The following AUTS2 variants were observed in gnomAD, a reference collection of about 807,000 sequenced individuals.
AUTS2 encodes autism susceptibility gene 2 protein.
AUTS2 carries 17 observed loss-of-function variants against 112.4 expected under a neutral mutation model. The observed-to-expected ratio is 0.15, with a 90% CI of 0.10 to 0.23. The LOEUF (loss-of-function observed/expected upper bound fraction) is 0.23, where lower values mean the gene tolerates loss of function less well. AUTS2 is among the 10% of genes least tolerant of loss of function. The pLI is 1.00. For synonymous variants in AUTS2, 751 were observed against 702.7 expected (o/e 1.07, Z -1.09); for missense variants, 1,510 against 1,701.6 (o/e 0.89, Z 1.98).
chr7:70,283,432 T>C (rs1235315557), intron 4 of AUTS2, among the ~76,000 whole-genome samples: 1 of 152,174 alleles, frequency 6.6e-6, no homozygotes, highest in East Asian at 1.9e-4. Flanking sequence ...CAAACTGACA[T>C]GTCAAACTGA....
chr7:69,745,229 C>T (rs911009437), intron 1 of AUTS2, among the ~76,000 whole-genome samples: 3 of 152,156 alleles, frequency 2.0e-5, no homozygotes, highest in African/African-American at 4.8e-5. Flanking sequence ...CATCACCATC[C>T]CTGTTGCTAT....
At chr7:70,184,305 C>T (rs1809487040) in intron 4 of AUTS2, among the ~76,000 whole-genome samples, 1 of 152,076 alleles carries the variant, frequency 6.6e-6, no homozygotes, top group African/African-American at 2.4e-5. Context: ...GAGCAAATGC[C>T]ATTGTTGGGA....
chr7:70,150,547 T>A lies in AUTS2; in HGVS notation c.660+15976T>A, dbSNP rs145061616. Among the ~76,000 whole-genome samples, 238 of 152,292 alleles carry A rather than the reference T, an allele frequency of 1.6e-3. 1 individual carries two copies. The highest frequency in any genetic ancestry group is 4.9e-3 in the African/African-American group (203 of 41,572). ...AGACCATCAGAAAATACTAACAGAC[T>A]AGAACTTTTTTTTCTCAAGTGTTTT... On this transcript the variant is annotated intron_variant, in intron 4 of 18. Coordinates refer to ENST00000342771, the MANE Select transcript of AUTS2 (RefSeq NM_015570.4).
intron 5 of AUTS2, among the ~76,000 whole-genome samples, chr7:70,573,528 A>G (rs573716254): frequency 6.6e-6 from 1 of 152,298 alleles, no homozygotes; most frequent in East Asian, 1.9e-4. Flanking sequence ...CACACGCTTA[A>G]TTTATCCCTT....
At chr7:69,614,314 C>CTCTTTCCTTCTTTCTT (rs1793206016) in intron 1 of AUTS2, among the ~76,000 whole-genome samples, 1 of 83,320 alleles carries the variant, frequency 1.2e-5, no homozygotes. Flanking sequence ...CACTCTCCGT[C>CTCTTTCCTTCTTTCTT]TCTTTCTTTC....
At chr7:70,444,922 A>G (rs1415375242) in intron 5 of AUTS2, among the ~76,000 whole-genome samples, 1 of 152,138 alleles carries the variant, frequency 6.6e-6, no homozygotes, top group Non-Finnish European at 1.5e-5. Flanking sequence ...TGAAGTTCCT[A>G]ATTTCCTGGT....
At chr7:69,731,920 G>C (rs910598001) in intron 1 of AUTS2, among the ~76,000 whole-genome samples, 2 of 152,178 alleles carry the variant, frequency 1.3e-5, no homozygotes, top group Admixed American at 1.3e-4. Flanking sequence ...TGTAAAATGG[G>C]TAACAAGTTT....
chr7:70,043,541 T>TTGCC (rs1801338430), intron 2 of AUTS2, among the ~76,000 whole-genome samples: 1 of 141,122 alleles, frequency 7.1e-6, no homozygotes, highest in Non-Finnish European at 1.5e-5. Context: ...CCTTGCCTCC[T>TTGCC]TCCCTCCCTT....
At chr7:69,808,574 T>G (rs1452050183) in intron 1 of AUTS2, among the ~76,000 whole-genome samples, 1 of 152,216 alleles carries the variant, frequency 6.6e-6, no homozygotes, top group Non-Finnish European at 1.5e-5. Flanking sequence ...GGTAATATAG[T>G]ACACTCTGCT....
intron 1 of AUTS2, among the ~76,000 whole-genome samples, chr7:69,703,568 G>GAGT (rs1233882016): frequency 3.3e-5 from 5 of 152,192 alleles, no homozygotes; most frequent in Non-Finnish European, 5.9e-5. Context: ...TATACTTTTA[G>GAGT]AGTAGGCTAG....
At chr7:70,329,737 T>C (rs1790658040) in intron 4 of AUTS2, among the ~76,000 whole-genome samples, 1 of 151,698 alleles carries the variant, frequency 6.6e-6, no homozygotes, top group South Asian at 2.1e-4. Flanking sequence ...TGATAATAAA[T>C]GCCTTTTGAT....
Position 70,766,071 on chromosome 7 carries a change from C to T in AUTS2, c.1469-43C>T. On this transcript the variant is annotated intron_variant, in intron 8 of 18. Transcript: ENST00000342771. This position sits in a 1 kb window ranked among gnomAD's most constrained non-coding sequence, Gnocchi z 4.8. ...CAGGAAGGCAGTCCGATGTCCTTTT[C>T]TGAAGGAAAAGGCGTCATCGTCTCC... 6.3e-7 allele frequency: 1 copy of T among 1,593,106 alleles called. No homozygotes were observed. Among genetic ancestry groups the T allele is most frequent in the Non-Finnish European group, 8.6e-7 (1 of 1,166,392 alleles).
chr7:69,667,762 C>T (rs1277439757), intron 1 of AUTS2, among the ~76,000 whole-genome samples: 5 of 152,150 alleles, frequency 3.3e-5, no homozygotes, highest in Non-Finnish European at 2.9e-5. Flanking sequence ...GCTCTCTGCT[C>T]CCCTGGGGCC....
At chr7:70,734,684 A>G (rs1339012314) in intron 6 of AUTS2, among the ~76,000 whole-genome samples, 4 of 152,126 alleles carry the variant, frequency 2.6e-5, no homozygotes, top group Non-Finnish European at 4.4e-5. Flanking sequence ...AGAAATAGAA[A>G]ATAAAGCCAT....
intron 2 of AUTS2, among the ~76,000 whole-genome samples, chr7:70,089,172 TAAGA>T (rs1475298048): frequency 6.6e-6 from 1 of 152,214 alleles, no homozygotes; most frequent in African/African-American, 2.4e-5. Context: ...TTTCAATTAT[TAAGA>T]AAGGGGCATT....
intron 1 of AUTS2, among the ~76,000 whole-genome samples, chr7:69,608,145 G>C (rs1475074562): frequency 1.3e-5 from 2 of 152,120 alleles, no homozygotes; most frequent in African/African-American, 4.8e-5. Context: ...TGTTGCCCAG[G>C]CTGGTTTCAA....
intron 5 of AUTS2, among the ~76,000 whole-genome samples, chr7:70,691,564 G>C (rs1808756546): frequency 6.6e-6 from 1 of 151,966 alleles, no homozygotes; most frequent in South Asian, 2.1e-4. Flanking sequence ...CTCCAATTTT[G>C]ACATTCATTC....
intron 5 of AUTS2, among the ~76,000 whole-genome samples, chr7:70,684,352 A>G (rs182710360): frequency 2.0e-5 from 3 of 152,328 alleles, no homozygotes; most frequent in Admixed American, 2.0e-4. Context: ...AACTACTTGT[A>G]TATCCCAGGA....
intron 1 of AUTS2, among the ~76,000 whole-genome samples, chr7:69,609,170 A>G (rs1270205672): frequency 2.6e-5 from 4 of 152,196 alleles, no homozygotes; most frequent in African/African-American, 4.8e-5. Context: ...CTGTTACCCT[A>G]TGAATCTAGG....
Sources: gnomAD v4.1 joint callset for allele counts (sites outside exome capture counted in the v4.1 genomes callset) on GRCh38, gnomAD v4.1.1 for gene constraint, Gnocchi (gnomAD v3.1) non-coding constraint, MANE v1.5 for transcripts, NCBI Gene and HGNC (gene_info 2026-07-23, HGNC 2026-07-21) for gene names.